The following NKAIN3 variants were observed in gnomAD, a reference collection of about 807,000 sequenced individuals.
NKAIN3 encodes the protein sodium/potassium-transporting ATPase subunit beta-1-interacting protein 3.
In NKAIN3, 25 loss-of-function variants were observed where a neutral mutation model predicts 30.2. The observed-to-expected ratio is 0.83, with a 90% CI of 0.60 to 1.16. The LOEUF is 1.16. Ranked by LOEUF, NKAIN3 falls within the 50% of genes most tolerant of loss-of-function variation. The pLI is 0.00. For missense variants in NKAIN3, 225 were observed against 254.1 expected (o/e 0.89, Z 0.78); for synonymous variants, 91 against 89.6 (o/e 1.02, Z -0.09).
intron 4 of NKAIN3, among the ~76,000 whole-genome samples, chr8:62,751,772 CAT>C (rs992098987): frequency 6.6e-6 from 1 of 151,408 alleles, no homozygotes; most frequent in African/African-American, 2.4e-5. Context: ...ATATTATAAT[CAT>C]ATGTCATATA....
chr8:62,908,926 G>A (rs953654878), intron 4 of NKAIN3, among the ~76,000 whole-genome samples: 3 of 152,186 alleles, frequency 2.0e-5, no homozygotes, highest in Non-Finnish European at 4.4e-5. Context: ...TGACTGGGGA[G>A]TTATGTTGTT....
intron 1 of NKAIN3, among the ~76,000 whole-genome samples, chr8:62,519,651 C>G (rs904135219): frequency 1.3e-5 from 2 of 152,162 alleles, no homozygotes; most frequent in Non-Finnish European, 2.9e-5. Flanking sequence ...TGCATGATTG[C>G]TTCTCCTGGA....
At chr8:62,288,848 A>T (rs7843211) in intron 1 of NKAIN3, among the ~76,000 whole-genome samples, 9,458 of 152,266 alleles carry the variant, frequency 0.062, 978 homozygotes, top group African/African-American at 0.21. Context: ...ACTAGTTTAC[A>T]GTCCCACCAA....
intron 1 of NKAIN3, among the ~76,000 whole-genome samples, chr8:62,565,037 T>C (rs556537992): frequency 6.6e-6 from 1 of 152,270 alleles, no homozygotes; most frequent in Non-Finnish European, 1.5e-5. Flanking sequence ...CTCAAAATAT[T>C]TGTTGATTCA....
At chr8:62,891,118 T>C (rs1275443135) in intron 4 of NKAIN3, among the ~76,000 whole-genome samples, 1 of 152,158 alleles carries the variant, frequency 6.6e-6, no homozygotes, top group African/African-American at 2.4e-5. Context: ...GTGAGGGTGT[T>C]GCCAAGGGAC....
At chr8:62,793,673 T>C (rs1172924645) in intron 4 of NKAIN3, among the ~76,000 whole-genome samples, 1 of 152,138 alleles carries the variant, frequency 6.6e-6, no homozygotes, top group African/African-American at 2.4e-5. Flanking sequence ...GGCAGGCCTG[T>C]TGAGGCTGAG....
At chr8:62,518,427 T>C (rs964215803) in intron 1 of NKAIN3, among the ~76,000 whole-genome samples, 7 of 152,186 alleles carry the variant, frequency 4.6e-5, no homozygotes, top group African/African-American at 1.7e-4. Context: ...TTGGGCTATT[T>C]AGTTAATCTC....
intron 1 of NKAIN3, among the ~76,000 whole-genome samples, chr8:62,448,900 A>T (rs897259766): frequency 1.3e-5 from 2 of 151,984 alleles, no homozygotes; most frequent in African/African-American, 4.8e-5. Flanking sequence ...ATTGCTAATG[A>T]GAACACAGTT....
intron 1 of NKAIN3, among the ~76,000 whole-genome samples, chr8:62,543,628 T>C (rs773101610): frequency 5.3e-5 from 8 of 152,194 alleles, no homozygotes; most frequent in Non-Finnish European, 7.3e-5. Context: ...ACCGTACTCT[T>C]AGCACCCAGA....
intron 4 of NKAIN3, among the ~76,000 whole-genome samples, chr8:62,751,288 A>G (rs892074759): frequency 5.9e-5 from 9 of 152,170 alleles, no homozygotes; most frequent in African/African-American, 2.2e-4. Flanking sequence ...AAAACACCTC[A>G]GGATATGTTA....
Position 62,798,980 on chromosome 8 carries a change from G to A in NKAIN3, c.471+51851G>A, listed in dbSNP as rs77043831. On this transcript the variant is annotated intron_variant, in intron 4 of 6. Transcript: ENST00000623646. ...GGAGTCAAGGCAGTAACCAGATGGG[G>A]ACTCACAGGACCAAGGTGTCCATCA... Among the ~76,000 whole-genome samples, 33 of 152,226 alleles carry A rather than the reference G, an allele frequency of 2.2e-4. 1 individual carries two copies. In the East Asian group the frequency reaches 4.8e-3, roughly 22 times the overall value.
intron 1 of NKAIN3, among the ~76,000 whole-genome samples, chr8:62,342,290 ATCTT>A (rs1451336458): frequency 1.1e-4 from 16 of 151,712 alleles, no homozygotes; most frequent in Non-Finnish European, 2.4e-4. Context: ...AGAAAAGAAA[ATCTT>A]TCTTTTTGTT....
chr8:62,537,477 G>A (rs1355002519), intron 1 of NKAIN3, among the ~76,000 whole-genome samples: 1 of 152,106 alleles, frequency 6.6e-6, no homozygotes, highest in African/African-American at 2.4e-5. Flanking sequence ...GCTGCAAGGT[G>A]CCCAGAAAGT....
intron 1 of NKAIN3, among the ~76,000 whole-genome samples, chr8:62,529,796 T>G (rs56200385): frequency 0.095 from 14,513 of 152,130 alleles, 2,208 homozygotes; most frequent in African/African-American, 0.33. Context: ...TTCAGAGCAT[T>G]CTGGAGAGCC....
chr8:62,763,717 A>G (rs1414222237), intron 4 of NKAIN3, among the ~76,000 whole-genome samples: 1 of 152,228 alleles, frequency 6.6e-6, no homozygotes, highest in Non-Finnish European at 1.5e-5. Flanking sequence ...CAAGAAGAAG[A>G]ATCACAGCTA....
intron 2 of NKAIN3, among the ~76,000 whole-genome samples, chr8:62,582,746 C>T (rs951111488): frequency 6.6e-6 from 1 of 152,204 alleles, no homozygotes; most frequent in East Asian, 1.9e-4. Context: ...AGAGGCCCTG[C>T]TCTGCAGGCA....
intron 4 of NKAIN3, among the ~76,000 whole-genome samples, chr8:62,813,128 G>C (rs141872459): frequency 6.6e-6 from 1 of 151,650 alleles, no homozygotes; most frequent in African/African-American, 2.4e-5. Context: ...AATGTTCTTG[G>C]CTCCTTTTTT....
At chr8:62,570,854 A>G (rs891138315) in intron 1 of NKAIN3, among the ~76,000 whole-genome samples, 5 of 152,164 alleles carry the variant, frequency 3.3e-5, no homozygotes, top group African/African-American at 9.7e-5. Flanking sequence ...CACTACAGGT[A>G]GACACAATGA....
At chr8:62,943,125 C>T (rs541121011) in intron 5 of NKAIN3, among the ~76,000 whole-genome samples, 5 of 152,080 alleles carry the variant, frequency 3.3e-5, no homozygotes, top group African/African-American at 7.2e-5. Flanking sequence ...AAAATCTTTG[C>T]GAATTATGCA....
Sources: allele counts gnomAD v4.1 joint callset (sites outside exome capture counted in the v4.1 genomes callset), GRCh38; gene constraint gnomAD v4.1.1; transcripts MANE v1.5; gene names NCBI Gene and HGNC (gene_info 2026-07-23, HGNC 2026-07-21).